Variants in EHMT1 observed in about 807,000 individuals in gnomAD.
The protein encoded by EHMT1 is histone-lysine N-methyltransferase EHMT1.
A neutral mutation model predicts 147.2 loss-of-function variants in EHMT1; 15 were observed. The ratio of observed to expected loss-of-function variants is 0.10; its 90% CI spans 0.07 to 0.16. The LOEUF (loss-of-function observed/expected upper bound fraction) is 0.16, where lower values mean the gene tolerates loss of function less well. Among genes scored for constraint, EHMT1 ranks in the 10% least tolerant of loss-of-function variants. The pLI is 1.00. For synonymous variants in EHMT1, 795 were observed against 709.6 expected, an observed-to-expected ratio of 1.12 and a Z score of -1.91; for missense variants, 1,587 against 1,772.4, an observed-to-expected ratio of 0.90 and a Z score of 1.88.
At chr9:137,822,910 G>T in intron 25 of EHMT1, among the ~76,000 whole-genome samples, 1 of 136,412 alleles carries the variant, frequency 7.3e-6, no homozygotes, top group African/African-American at 3.5e-5. Flanking sequence ...AAAAAAAAAA[G>T]CCTGTTTTTT....
At position 137,835,084 on chromosome 9, in the gene EHMT1, C is replaced by T. The variant is rs937324564; in HGVS notation, c.*131C>T. 1.5e-4 allele frequency: 166 copies of T among 1,122,202 alleles called. No individual in the cohort carries two copies. Among genetic ancestry groups the T allele is most frequent in the Admixed American group, 3.7e-4 (9 of 24,246 alleles). 69.5% of individuals were successfully genotyped at this position (1,122,202 alleles called of 1,614,324 possible). ...TGCGCCGCCGGCTTCCTGGAGGGGT[C>T]GGAGGTGAGGCTGCAGCCCCTGCGG... On this transcript the variant is annotated 3_prime_UTR_variant, in exon 27 of 27. Coordinates refer to ENST00000460843, the MANE Select transcript of EHMT1 (RefSeq NM_024757.5).
chr9:137,640,858 C>CA (rs1045912136), intron 1 of EHMT1: 3 of 152,872 alleles, frequency 2.0e-5, no homozygotes, highest in African/African-American at 4.8e-5. Context: ...ATTTCCCCCC[C>CA]AGATAAGTTG....
chr9:137,820,661 G>T (rs1189768377), intron 25 of EHMT1, among the ~76,000 whole-genome samples: 2 of 152,234 alleles, frequency 1.3e-5, no homozygotes, highest in African/African-American at 4.8e-5. Context: ...TGTAAGATCA[G>T]ACTCAAGGTT....
chr9:137,807,191 A>G (rs967497282), intron 18 of EHMT1, among the ~76,000 whole-genome samples: 1 of 152,136 alleles, frequency 6.6e-6, no homozygotes, highest in African/African-American at 2.4e-5. Context: ...TGTATGTAGG[A>G]GTTCTCAGAG....
chr9:137,745,383 C>T (rs868242727), intron 6 of EHMT1: 2 of 393,700 alleles, frequency 5.1e-6, no homozygotes, highest in Admixed American at 4.4e-5. Context: ...TTTAAAAATT[C>T]GTTGGAAATA....
At chr9:137,724,463 C>T (rs187849682) in intron 3 of EHMT1, among the ~76,000 whole-genome samples, 9 of 152,196 alleles carry the variant, frequency 5.9e-5, no homozygotes, top group African/African-American at 2.2e-4. Flanking sequence ...CCAACAAAAC[C>T]TAAATCTAGA....
Position 137,642,441 on chromosome 9 carries a change from G to T in EHMT1, c.21+23392G>T, listed in dbSNP as rs761995418. 2.7e-4 allele frequency among the ~76,000 whole-genome samples: 41 copies of T among 152,102 alleles called. 1 individual carries two copies. Among genetic ancestry groups the T allele is most frequent in the Admixed American group, 1.7e-3 (26 of 15,268 alleles). ...CCACCTCAGCCTCCTGAGTAGCTGG[G>T]ACTGCAGGCGTACCACAACGCCTGA... On this transcript the variant is annotated intron_variant, in intron 1 of 26. Transcript: ENST00000460843.
intron 15 of EHMT1, among the ~76,000 whole-genome samples, chr9:137,790,137 T>C (rs1952410720): frequency 6.6e-6 from 1 of 152,268 alleles, no homozygotes; most frequent in Non-Finnish European, 1.5e-5. Context: ...TTTTAATTAC[T>C]AATAGTAAAA....
At chr9:137,754,416 A>AG in intron 8 of EHMT1, 125 bp downstream of exon 8, 1 of 1,357,832 alleles carries the variant, frequency 7.4e-7, no homozygotes, top group Non-Finnish European at 1.0e-6. Flanking sequence ...TTTAAAAAAA[A>AG]TGTTTGAAAT....
chr9:137,668,855 ACTGT>A (rs1240547165), intron 1 of EHMT1, among the ~76,000 whole-genome samples: 3 of 151,848 alleles, frequency 2.0e-5, no homozygotes, highest in African/African-American at 7.3e-5. Context: ...TCATATGGTG[ACTGT>A]CTGTTTTAAG....
At chr9:137,669,101 C>G (rs1403877331) in intron 1 of EHMT1, among the ~76,000 whole-genome samples, 1 of 152,120 alleles carries the variant, frequency 6.6e-6, no homozygotes, top group Non-Finnish European at 1.5e-5. Flanking sequence ...TGGGCAAGAT[C>G]GTCTTGAACT....
At position 137,811,556 on chromosome 9, in the gene EHMT1, C is replaced by T. The variant is rs553009659; in HGVS notation, c.2808C>T (p.Asn936=). 29 of 1,608,594 alleles carry T rather than the reference C, an allele frequency of 1.8e-5. 1 individual carries two copies. The African/African-American group carries it at 3.6e-4, about 20-fold the overall frequency. The change falls in exon 19 of 27, where the codon AAC becomes AAT. Residue 936 remains asparagine (N), a synonymous_variant. Transcript: ENST00000460843. The part of the protein sequence containing the change: ...LAAKCDLHAV[N]IHGDSPLHIA... ...CCAAGTGCGACCTCCACGCCGTGAACATCCACGGAGACTCGCCACTGCACA... is the reference window on the plus strand; with the variant it reads ...CCAAGTGCGACCTCCACGCCGTGAATATCCACGGAGACTCGCCACTGCACA...
rs539608819 is a variant in EHMT1 at position 137,653,747 on chromosome 9, T to C, written c.21+34698T>C. On this transcript the variant is annotated intron_variant, in intron 1 of 26. Coordinates refer to ENST00000460843, the MANE Select transcript of EHMT1 (RefSeq NM_024757.5). The stretch of plus-strand genomic sequence containing the variant: ...TACTCCATGTTGCCCACGCTGGTCT[T>C]GAACTCCCGACCCTGATCCGCCTGC... Among the ~76,000 whole-genome samples, 21 of 152,188 alleles carry C rather than the reference T, an allele frequency of 1.4e-4. No homozygotes were observed. The East Asian group carries it at 3.7e-3, about 27-fold the overall frequency.
chr9:137,799,802 C>G (rs1953297528), intron 17 of EHMT1, among the ~76,000 whole-genome samples: 2 of 152,240 alleles, frequency 1.3e-5, no homozygotes, highest in Admixed American at 6.5e-5. Flanking sequence ...GTGATATGCT[C>G]AAAGGCCCAT....
chr9:137,814,288 A>G, intron 21 of EHMT1, 143 bp from the exon 22 acceptor site: 1 of 859,646 alleles, frequency 1.2e-6, no homozygotes, highest in South Asian at 1.4e-5. Flanking sequence ...CCTTCTCCCT[A>G]AGAGGCCACA....
chr9:137,631,803 A>G (rs1464337225), intron 1 of EHMT1, among the ~76,000 whole-genome samples: 1 of 152,162 alleles, frequency 6.6e-6, no homozygotes, highest in Non-Finnish European at 1.5e-5. Flanking sequence ...TTGTTTGACC[A>G]GGAGGTCAAG....
At chr9:137,794,955 A>G (rs1221396347) in intron 16 of EHMT1, 2 of 152,242 alleles carry the variant, frequency 1.3e-5, no homozygotes, top group Non-Finnish European at 2.9e-5. Flanking sequence ...GATGGCGGAT[A>G]TGAAGACATT....
rs1247529616 is a variant in EHMT1, at chr9:137,716,932, C to T, written c.392C>T (p.Ala131Val). 1.2e-6 allele frequency: 2 copies of T among 1,612,950 alleles called. No individual in the cohort carries two copies. Among genetic ancestry groups the T allele is most frequent in the East Asian group, 2.2e-5 (1 of 44,874 alleles). ...GSNGYILNKP[A>V]LQAQPLRTTS... ...AACGGATACATCTTAAATAAGCCGG[C>T]CCTACAGGCACAGCCCTTGAGGACT... The change falls in exon 3 of 27, where the codon GCC (alanine) becomes GTC (valine). Residue 131 changes from alanine (A) to valine (V), a missense_variant. Ala to Val is a moderately conservative substitution (Grantham distance 64, BLOSUM62 0). Coordinates refer to ENST00000460843, the MANE Select transcript of EHMT1 (RefSeq NM_024757.5).
intron 18 of EHMT1, among the ~76,000 whole-genome samples, chr9:137,807,415 C>T (rs1191233938): frequency 6.6e-6 from 1 of 152,060 alleles, no homozygotes; most frequent in Non-Finnish European, 1.5e-5. Flanking sequence ...TCAAACATTT[C>T]CTAACATGTT....
Sources: allele counts gnomAD v4.1 joint callset (sites outside exome capture counted in the v4.1 genomes callset), GRCh38; gene constraint gnomAD v4.1.1; transcripts MANE v1.5; gene names NCBI Gene and HGNC (gene_info 2026-07-23, HGNC 2026-07-21).